The following ST18 variants were observed in gnomAD, a reference collection of about 807,000 sequenced individuals.
The protein encoded by ST18 is suppression of tumorigenicity 18 protein.
ST18 carries 50 observed loss-of-function variants against 110.0 expected under a neutral mutation model. The ratio of observed to expected loss-of-function variants is 0.45; its 90% CI spans 0.36 to 0.58. The LOEUF (loss-of-function observed/expected upper bound fraction) is 0.58, where lower values mean the gene tolerates loss of function less well. ST18 is among the 20% of genes least tolerant of loss of function. The probability of loss-of-function intolerance (pLI) is 0.00; values close to 1 mark genes in which losing one functional copy is unlikely to be tolerated. For missense variants in ST18, 1,306 were observed against 1,280.1 expected, an observed-to-expected ratio of 1.02 and a Z score of -0.31; for synonymous variants, 461 against 452.4, an observed-to-expected ratio of 1.02 and a Z score of -0.24.
intron 2 of ST18, among the ~76,000 whole-genome samples, chr8:52,261,082 G>C (rs1473322499): frequency 6.6e-6 from 1 of 152,198 alleles, no homozygotes; most frequent in Non-Finnish European, 1.5e-5. Context: ...TGAATGTCCT[G>C]GGATTGGAGG....
intron 5 of ST18, among the ~76,000 whole-genome samples, chr8:52,219,935 C>T (rs1311930694): frequency 6.6e-6 from 1 of 152,176 alleles, no homozygotes; most frequent in Non-Finnish European, 1.5e-5. Flanking sequence ...AAACCAAAGC[C>T]ATGTGTTGGT....
At chr8:52,360,027 G>A (rs1824998256) in intron 2 of ST18, among the ~76,000 whole-genome samples, 1 of 152,046 alleles carries the variant, frequency 6.6e-6, no homozygotes, top group African/African-American at 2.4e-5. Context: ...CTTATTGGAA[G>A]CACTGACTTA....
At chr8:52,118,649 G>A (rs1346035746) in intron 23 of ST18, among the ~76,000 whole-genome samples, 1 of 152,134 alleles carries the variant, frequency 6.6e-6, no homozygotes, top group Non-Finnish European at 1.5e-5. Flanking sequence ...GTAGAAAAGT[G>A]CCACCCTTGC....
At chr8:52,142,435 A>T (rs527243789) in intron 17 of ST18, among the ~76,000 whole-genome samples, 1 of 152,130 alleles carries the variant, frequency 6.6e-6, no homozygotes, top group Non-Finnish European at 1.5e-5. Context: ...AGTAGACTTG[A>T]TTAATATTTA....
chr8:52,221,453 G>T (rs2086715648), intron 4 of ST18, among the ~76,000 whole-genome samples, 187 bp downstream of exon 4: 1 of 152,090 alleles, frequency 6.6e-6, no homozygotes, highest in South Asian at 2.1e-4. Context: ...ACCTCTATGT[G>T]GTCCCAGGGA....
At chr8:52,263,537 C>A (rs1307605240) in intron 2 of ST18, among the ~76,000 whole-genome samples, 2 of 151,436 alleles carry the variant, frequency 1.3e-5, no homozygotes, top group Non-Finnish European at 2.9e-5. Context: ...TGATCAATAT[C>A]TTGGTGTTCT....
intron 5 of ST18, among the ~76,000 whole-genome samples, chr8:52,220,346 A>C (rs1027547395): frequency 9.2e-5 from 14 of 152,226 alleles, no homozygotes; most frequent in African/African-American, 3.4e-4. Flanking sequence ...AGTCATCCAC[A>C]GTACTTTTTA....
At chr8:52,154,322 G>A (rs1322199343) in intron 15 of ST18, 1 of 152,236 alleles carries the variant, frequency 6.6e-6, no homozygotes, top group Non-Finnish European at 1.5e-5. Flanking sequence ...GCACAAAACA[G>A]ACTTTGAACT....
chr8:52,276,379 C>G (rs967224994), intron 2 of ST18, among the ~76,000 whole-genome samples: 1 of 149,512 alleles, frequency 6.7e-6, no homozygotes, highest in African/African-American at 2.5e-5. Context: ...CCACATACTA[C>G]ACATACACCA....
intron 2 of ST18, among the ~76,000 whole-genome samples, chr8:52,346,497 C>T (rs1157708613): frequency 6.6e-6 from 1 of 152,144 alleles, no homozygotes; most frequent in Non-Finnish European, 1.5e-5. Flanking sequence ...CACAAGGCCC[C>T]TAGTGGGCAG....
intron 14 of ST18, 34 bp downstream of exon 14, chr8:52,161,341 T>G (rs748338431): frequency 1.3e-6 from 2 of 1,599,916 alleles, no homozygotes; most frequent in South Asian, 2.3e-5. Flanking sequence ...ACAAGAAGCA[T>G]TTTGGGGAAA....
rs2092830578 is a variant in ST18, at chr8:52,237,407, T to C, written c.-464-7330A>G. Among the ~76,000 whole-genome samples the C allele has an allele frequency of 2.6e-5, 4 of 152,356 alleles. No homozygotes were observed. The South Asian group carries it at 8.3e-4, about 32-fold the overall frequency. On this transcript the variant is annotated intron_variant, in intron 2 of 25. Coordinates refer to ENST00000689386, the MANE Select transcript of ST18 (RefSeq NM_001352837.2). ...TACTATTATAAATGCTTTATGTATA[T>C]TAACTCAATCTGCATAACAAATATA...
chr8:52,272,826 A>T (rs1294392115), intron 2 of ST18, among the ~76,000 whole-genome samples: 1 of 152,208 alleles, frequency 6.6e-6, no homozygotes, highest in Non-Finnish European at 1.5e-5. Flanking sequence ...AATGACAAAC[A>T]CTGCATTCCA....
intron 2 of ST18, among the ~76,000 whole-genome samples, chr8:52,249,772 C>T (rs951566067): frequency 6.6e-6 from 1 of 151,948 alleles, no homozygotes; most frequent in Non-Finnish European, 1.5e-5. Flanking sequence ...TTAGCCCAAA[C>T]AACGATAGAG....
intron 2 of ST18, among the ~76,000 whole-genome samples, chr8:52,276,144 T>TACATCACACATATAC (rs2139023517): frequency 1.4e-4 from 1 of 7,236 alleles, no homozygotes; most frequent in Non-Finnish European, 3.3e-4. Flanking sequence ...ACACACCACA[T>TACATCACACATATAC]GCACACCACG....
chr8:52,247,986 C>G (rs962820243), intron 2 of ST18, among the ~76,000 whole-genome samples: 4 of 152,072 alleles, frequency 2.6e-5, no homozygotes, highest in Non-Finnish European at 5.9e-5. Flanking sequence ...ATTACATTCT[C>G]TACAGACACA....
intron 2 of ST18, among the ~76,000 whole-genome samples, chr8:52,308,251 T>C (rs1466389172): frequency 2.0e-5 from 3 of 152,226 alleles, no homozygotes; most frequent in African/African-American, 7.2e-5. Context: ...TGAGCAAAAG[T>C]GCCTGCACAG....
intron 2 of ST18, among the ~76,000 whole-genome samples, chr8:52,346,153 AT>A (rs1370738630): frequency 3.3e-5 from 5 of 151,282 alleles, no homozygotes; most frequent in African/African-American, 1.2e-4. Flanking sequence ...AAAAGGCCAT[AT>A]GTAAAATTTA....
intron 2 of ST18, among the ~76,000 whole-genome samples, chr8:52,399,641 A>C (rs1590719199): frequency 1.3e-5 from 2 of 150,898 alleles, no homozygotes; most frequent in East Asian, 3.9e-4. Flanking sequence ...TTCCATTGTC[A>C]TTTTTCTCCA....
Sources: gnomAD v4.1 joint callset for allele counts (sites outside exome capture counted in the v4.1 genomes callset) on GRCh38, gnomAD v4.1.1 for gene constraint, MANE v1.5 for transcripts, NCBI Gene and HGNC (gene_info 2026-07-23, HGNC 2026-07-21) for gene names.